The following PCDHA3 variants were observed in gnomAD, a reference collection of about 807,000 sequenced individuals.
PCDHA3 encodes protocadherin alpha 3, also known as protocadherin alpha-3.
In PCDHA3, 41 loss-of-function variants were observed where a neutral mutation model predicts 62.2. That is an observed-to-expected ratio of 0.66 (90% CI 0.51 to 0.86). The LOEUF (loss-of-function observed/expected upper bound fraction) is 0.86. Ranked by LOEUF, PCDHA3 falls within the 40% of genes least tolerant of loss-of-function variation. The pLI, the probability that PCDHA3 is intolerant of heterozygous loss-of-function variation, is 0.00. For missense variants in PCDHA3, 1,304 were observed against 1,241.2 expected, an observed-to-expected ratio of 1.05 and a Z score of -0.76; for synonymous variants, 640 against 555.4, an observed-to-expected ratio of 1.15 and a Z score of -2.14.
chr5:140,928,635 A>G lies in PCDHA3; in HGVS notation c.2395-50314A>G, dbSNP rs148091714. On this transcript the variant is annotated intron_variant, in intron 1 of 3. Transcript: ENST00000522353. ...CTGCCAGGACTGGACACTTGGTCAC[A>G]AAAGTGGTAGCAGAGGATGCTGACA... is the stretch of plus-strand genomic sequence containing the variant. 6 of 1,614,104 alleles carry G rather than the reference A, an allele frequency of 3.7e-6. No individual in the cohort carries two copies. The Middle Eastern group carries it at 4.9e-4, about 133-fold the overall frequency.
chr5:140,947,107 G>A (rs1041048233), intron 1 of PCDHA3, among the ~76,000 whole-genome samples: 12 of 151,202 alleles, frequency 7.9e-5, no homozygotes, highest in South Asian at 4.2e-4. Flanking sequence ...AAATAGGTAC[G>A]TGTCAATTAA....
intron 1 of PCDHA3, chr5:140,929,409 T>G: frequency 6.6e-7 from 1 of 1,506,206 alleles, no homozygotes; most frequent in Non-Finnish European, 8.9e-7. Context: ...GACAAGCCTT[T>G]CACAACATTT....
intron 1 of PCDHA3, chr5:140,969,131 A>G: frequency 6.2e-7 from 1 of 1,614,138 alleles, no homozygotes; most frequent in South Asian, 1.1e-5. Flanking sequence ...CTCCCTCACC[A>G]AGACCTACTG....
At chr5:140,862,509 T>C in intron 1 of PCDHA3, 1 of 405,718 alleles carries the variant, frequency 2.5e-6, no homozygotes, top group Non-Finnish European at 5.0e-6. Context: ...GGGGACTCGC[T>C]TTCATTGTTG....
chr5:140,807,016 T>C (rs1554123722), intron 1 of PCDHA3: 5 of 794,686 alleles, frequency 6.3e-6, no homozygotes, highest in Middle Eastern at 2.3e-4. Context: ...ACAAAATACA[T>C]GAGAGAAGGA....
At position 140,802,763 on chromosome 5, in the gene PCDHA3, G is replaced by C; in HGVS notation, c.1566G>C (p.Pro522=). 6.2e-7 allele frequency: 1 copy of C among 1,612,888 alleles called. No homozygotes were observed. Among genetic ancestry groups the C allele is most frequent in the Non-Finnish European group, 8.5e-7 (1 of 1,179,858 alleles). The change falls in exon 1 of 4, where the codon CCG becomes CCC. Residue 522 remains proline (P), a synonymous_variant. Coordinates refer to ENST00000522353, the MANE Select transcript of PCDHA3 (RefSeq NM_018906.3). Reference sequence around the variant, plus strand: ...GCGGCAAGGTGTACGCGCTGCAGCCGCTGGACCACGAGGAGCTAGAGCTGC... The same window carrying C: ...GCGGCAAGGTGTACGCGCTGCAGCCCCTGGACCACGAGGAGCTAGAGCTGC... ...AESGKVYALQ[P]LDHEELELLQ...
At chr5:140,872,364 G>A (rs538641401) in intron 1 of PCDHA3, among the ~76,000 whole-genome samples, 1 of 152,132 alleles carries the variant, frequency 6.6e-6, no homozygotes, top group South Asian at 2.1e-4. Context: ...AAGTGGTTCA[G>A]GCCTGTAATC....
chr5:140,957,333 A>T (rs2095351211), intron 1 of PCDHA3, among the ~76,000 whole-genome samples: 1 of 152,164 alleles, frequency 6.6e-6, no homozygotes, highest in African/African-American at 2.4e-5. Context: ...GTACAGTAAG[A>T]TATTTTGAGA....
chr5:140,809,511 G>A lies in PCDHA3; in HGVS notation c.2394+5920G>A, dbSNP rs374214403. On this transcript the variant is annotated intron_variant, in intron 1 of 3. Coordinates refer to ENST00000522353, the MANE Select transcript of PCDHA3 (RefSeq NM_018906.3). ...ACCGACCTCATGGCCTTCAGCCCCA[G>A]TTTACCTGACTCTAGGGACAGAGAA... 1.3e-5 allele frequency: 21 copies of A among 1,614,228 alleles called. No individual in the cohort carries two copies. The African/African-American group carries it at 1.9e-4, about 14-fold the overall frequency.
intron 1 of PCDHA3, among the ~76,000 whole-genome samples, chr5:140,902,203 C>CTTTTTTTTTTTTT (rs148688132): frequency 8.0e-6 from 1 of 124,460 alleles, no homozygotes; most frequent in African/African-American, 3.1e-5. Context: ...CTCTCTCTTT[C>CTTTTTTTTTTTTT]TTTTTTTTTT....
intron 1 of PCDHA3, chr5:140,856,123 G>A (rs782708607): frequency 6.3e-7 from 1 of 1,598,078 alleles, no homozygotes; most frequent in African/African-American, 1.3e-5. Flanking sequence ...CCTGGGAGGT[G>A]GGGAGCGGCC....
intron 1 of PCDHA3, chr5:140,928,710 T>C (rs1370353227): frequency 3.7e-6 from 6 of 1,614,192 alleles, no homozygotes; most frequent in Non-Finnish European, 5.1e-6. Context: ...CGTCTGACTC[T>C]AGTCTCTTTA....
chr5:140,869,176 G>C lies in PCDHA3; in HGVS notation c.2394+65585G>C, dbSNP rs200962401. The C allele has an allele frequency of 2.8e-5, 45 of 1,613,986 alleles. No individual in the cohort carries two copies. The East Asian group carries it at 9.6e-4, about 34-fold the overall frequency. On this transcript the variant is annotated intron_variant, in intron 1 of 3. Coordinates refer to ENST00000522353, the MANE Select transcript of PCDHA3 (RefSeq NM_018906.3). Reference sequence around the variant, plus strand: ...CTGGCTTCTCCTCCTCGAATTCTGGGAGGTGGGGAGCGGCCAGCTCCACTA... The same window carrying C: ...CTGGCTTCTCCTCCTCGAATTCTGGCAGGTGGGGAGCGGCCAGCTCCACTA...
At chr5:140,939,317 A>T (rs2092365663) in intron 1 of PCDHA3, among the ~76,000 whole-genome samples, 1 of 152,148 alleles carries the variant, frequency 6.6e-6, no homozygotes, top group Admixed American at 6.5e-5. Flanking sequence ...CTACCTCCTA[A>T]TATCATAATC....
intron 1 of PCDHA3, among the ~76,000 whole-genome samples, chr5:140,889,098 T>C (rs1252119447): frequency 6.6e-6 from 1 of 152,012 alleles, no homozygotes; most frequent in African/African-American, 2.4e-5. Flanking sequence ...AACAATTTTT[T>C]CATCTTTATT....
intron 1 of PCDHA3, chr5:140,871,073 C>T (rs782763189): frequency 1.1e-5 from 18 of 1,613,090 alleles, no homozygotes; most frequent in Non-Finnish European, 1.4e-5. Context: ...GGTGAGCCGG[C>T]GCTGACGGCC....
At chr5:140,970,252 T>A (rs2096392828) in intron 1 of PCDHA3, among the ~76,000 whole-genome samples, 1 of 152,234 alleles carries the variant, frequency 6.6e-6, no homozygotes, top group Non-Finnish European at 1.5e-5. Context: ...GTTGACAGTT[T>A]CTATGGTTTT....
chr5:140,974,146 A>G (rs1208366709), intron 1 of PCDHA3, among the ~76,000 whole-genome samples: 1 of 152,260 alleles, frequency 6.6e-6, no homozygotes, highest in Non-Finnish European at 1.5e-5. Context: ...TGAAAACTAT[A>G]CAAGGGTTTT....
intron 1 of PCDHA3, among the ~76,000 whole-genome samples, chr5:140,909,403 G>A (rs533159317): frequency 2.0e-4 from 31 of 152,280 alleles, no homozygotes; most frequent in African/African-American, 7.2e-4. Flanking sequence ...AGCTGCAATT[G>A]CAGTTACCAT....
Sources: allele counts gnomAD v4.1 joint callset (sites outside exome capture counted in the v4.1 genomes callset), GRCh38; gene constraint gnomAD v4.1.1; transcripts MANE v1.5; gene names NCBI Gene and HGNC (gene_info 2026-07-23, HGNC 2026-07-21).